The following KIF14 variants were observed in gnomAD, a reference collection of about 807,000 sequenced individuals.
KIF14 encodes the protein kinesin family member 14, also known as kinesin-like protein KIF14.
KIF14 carries 98 observed loss-of-function variants against 176.2 expected under a neutral mutation model. The observed-to-expected ratio is 0.56, with a 90% CI of 0.47 to 0.66. The LOEUF (loss-of-function observed/expected upper bound fraction) is 0.66. Among genes scored for constraint, KIF14 ranks in the 30% least tolerant of loss-of-function variants. KIF14 has a pLI of 0.00. For missense variants in KIF14, 1,751 were observed against 1,920.4 expected (o/e 0.91, Z 1.65); for synonymous variants, 566 against 632.2 (o/e 0.90, Z 1.57).
chr1:200,586,805 ATATATAT>A (rs1558068158), intron 18 of KIF14, among the ~76,000 whole-genome samples: 1 of 148,210 alleles, frequency 6.7e-6, no homozygotes, highest in African/African-American at 2.5e-5. Context: ...ATATATATAT[ATATATAT>A]ATATACACCA....
At position 200,580,276 on chromosome 1, in the gene KIF14, G is replaced by C. The variant is rs199603598; in HGVS notation, c.3443C>G (p.Ala1148Gly). 1 of 1,455,846 alleles carries C rather than the reference G, an allele frequency of 6.9e-7. No individual in the cohort carries two copies. The highest frequency in any genetic ancestry group is 1.6e-5 in the South Asian group (1 of 63,810). 90.2% of individuals were successfully genotyped at this position (1,455,846 alleles called of 1,614,324 possible). A position where few individuals can be genotyped will look rare whatever the true frequency, so the allele number is the denominator to read the frequency against. Residue 1148 changes from alanine to glycine, a missense_variant, in exon 21 of 30, where the codon GCA (alanine) becomes GGA (glycine). Coordinates refer to ENST00000367350, the MANE Select transcript of KIF14 (RefSeq NM_014875.3). ...WSLEKFESKL[A>G]AMKELYESNG... ...AACCTCATAAAGTTCTTTCATTGCTGCAAGTTTAGATTCAAACTTTTCCAG... is the reference window on the plus strand; with the variant it reads ...AACCTCATAAAGTTCTTTCATTGCTCCAAGTTTAGATTCAAACTTTTCCAG...
chr1:200,618,895 TAG>T (rs1199915843), intron 1 of KIF14, 57 bp from the exon 2 acceptor site: 3 of 569,964 alleles, frequency 5.3e-6, no homozygotes, highest in African/African-American at 3.7e-5. Flanking sequence ...TTTAAAAATA[TAG>T]AGAGAACATC....
chr1:200,565,038 C>A (rs1657367342), intron 25 of KIF14, 31 bp downstream of exon 25: 3 of 1,512,488 alleles, frequency 2.0e-6, no homozygotes, highest in Non-Finnish European at 2.7e-6. Context: ...TTAAATGAAT[C>A]CTTCAAATGA....
intron 1 of KIF14, among the ~76,000 whole-genome samples, chr1:200,620,038 T>C (rs1355004918): frequency 2.6e-5 from 4 of 152,218 alleles, no homozygotes; most frequent in Non-Finnish European, 4.4e-5. Context: ...CAAAGATTAT[T>C]GCTAGCGAGG....
intron 27 of KIF14, 71 bp from the exon 28 acceptor site, chr1:200,555,525 G>T: frequency 1.2e-6 from 1 of 845,846 alleles, no homozygotes; most frequent in Non-Finnish European, 1.7e-6. Flanking sequence ...AATTGCATGG[G>T]ACCAGACTTT....
At position 200,612,883 on chromosome 1, in the gene KIF14, T is replaced by C. The variant is rs1039244633; in HGVS notation, c.1455+1435A>G. Among the ~76,000 whole-genome samples the C allele has an allele frequency of 9.6e-5, 3 of 31,232 alleles. No homozygotes were observed. The Admixed American group carries it at 1.1e-3, about 11-fold the overall frequency. 20.5% of individuals were successfully genotyped at this position (31,232 alleles called of 152,430 possible). ...TGCAGGCCTTTCTAGTTTATTCTCT[T>C]TTTTTTTTTTTTTTTTTTTTTTGAG... On this transcript the variant is annotated intron_variant, in intron 4 of 29. Coordinates refer to ENST00000367350, the MANE Select transcript of KIF14 (RefSeq NM_014875.3).
chr1:200,608,611 C>A (rs373116003), intron 5 of KIF14, among the ~76,000 whole-genome samples: 3 of 152,118 alleles, frequency 2.0e-5, no homozygotes, highest in Non-Finnish European at 4.4e-5. Flanking sequence ...AGTCTGCCCC[C>A]CTCAGCCTCC....
intron 26 of KIF14, among the ~76,000 whole-genome samples, chr1:200,559,937 T>C (rs1370289658): frequency 6.6e-6 from 1 of 152,098 alleles, no homozygotes; most frequent in Non-Finnish European, 1.5e-5. Flanking sequence ...ATATCTTTAG[T>C]AGAGACGGGG....
chr1:200,560,711 T>G lies in KIF14; in HGVS notation c.4230+11A>C, dbSNP rs369729175. 6.2e-7 allele frequency: 1 copy of G among 1,613,992 alleles called. No individual in the cohort carries two copies. Among genetic ancestry groups the G allele is most frequent in the Non-Finnish European group, 8.5e-7 (1 of 1,179,938 alleles). Reference sequence around the variant, plus strand: ...AGATGAAGTCTGTCTGAACTAACATTGCTAAATTACCTGGACACTGGCAGC... The same window carrying G: ...AGATGAAGTCTGTCTGAACTAACATGGCTAAATTACCTGGACACTGGCAGC... On this transcript the variant is annotated intron_variant, in intron 26 of 29. Coordinates refer to ENST00000367350, the MANE Select transcript of KIF14 (RefSeq NM_014875.3).
chr1:200,554,928 T>TTC (rs1280458142), intron 28 of KIF14, among the ~76,000 whole-genome samples: 2 of 152,140 alleles, frequency 1.3e-5, no homozygotes, highest in Non-Finnish European at 2.9e-5. Flanking sequence ...TTTATAATAG[T>TTC]TCTCATTTAT....
chr1:200,603,155 A>C, intron 10 of KIF14, 71 bp downstream of exon 10: 1 of 849,756 alleles, frequency 1.2e-6, no homozygotes, highest in Non-Finnish European at 1.8e-6. Flanking sequence ...TAATGAAGTC[A>C]GTCTATCATT....
In KIF14 at chr1:200,608,854, A is replaced by G; in HGVS notation, c.1530T>C (p.Asp510=). 1 of 1,606,622 alleles carries G rather than the reference A, an allele frequency of 6.2e-7. No individual in the cohort carries two copies. Among genetic ancestry groups the G allele is most frequent in the Non-Finnish European group, 8.5e-7 (1 of 1,173,846 alleles). The part of the protein sequence containing the change: ...EKIHDLLVCK[D]ENGQRKQPLR... ...CTGGTTGCTTTCTCTGCCCATTTTC[A>G]TCTTTACAAACCAGAAGGTCGTGAA... Residue 510 remains aspartate (D), a synonymous_variant, in exon 5 of 30, where the codon GAT becomes GAC. Transcript: ENST00000367350.
intron 11 of KIF14, 150 bp downstream of exon 11, chr1:200,601,746 C>T: frequency 5.3e-6 from 3 of 566,128 alleles, no homozygotes; most frequent in South Asian, 2.6e-5. Flanking sequence ...ACCTATCATC[C>T]TCCATCACTA....
chr1:200,560,943 G>A (rs1657108218), intron 25 of KIF14, 63 bp from the exon 26 acceptor site: 1 of 1,490,792 alleles, frequency 6.7e-7, no homozygotes, highest in South Asian at 1.1e-5. Context: ...GTAAAGAAAA[G>A]ATAAGGGCCG....
intron 5 of KIF14, 113 bp from the exon 6 acceptor site, chr1:200,606,911 A>G (rs1659910788): frequency 1.1e-6 from 1 of 893,430 alleles, no homozygotes; most frequent in Non-Finnish European, 1.8e-6. Context: ...TCTTTATTTT[A>G]TCCAGGAAAA....
In KIF14 at chr1:200,560,759, A is replaced by G; in HGVS notation, c.4193T>C (p.Phe1398Ser). 1 of 1,614,216 alleles carries G rather than the reference A, an allele frequency of 6.2e-7. No individual in the cohort carries two copies. The highest frequency in any genetic ancestry group is 8.5e-7 in the Non-Finnish European group (1 of 1,180,044). Reference protein sequence around the residue: ...LAVLKGSKLHFLENGNNKAAS... With the variant: ...LAVLKGSKLHSLENGNNKAAS... The stretch of plus-strand genomic sequence containing the variant: ...AGCTTTATTGTTACCGTTTTCTAGA[A>G]AATGTAGCTTGCTCCCTTTCAGAAC... Residue 1398 changes from phenylalanine (F) to serine (S), a missense_variant, in exon 26 of 30, where the codon TTT (phenylalanine) becomes TCT (serine). Transcript: ENST00000367350.
chr1:200,603,250 G>C lies in KIF14; in HGVS notation c.1955C>G (p.Pro652Arg), dbSNP rs774812639. The change falls in exon 10 of 30, where the codon CCT becomes CGT. Residue 652 changes from proline to arginine, a missense_variant. By Grantham distance (103) the Pro-to-Arg change is moderately radical. Transcript: ENST00000367350. ...CCATGTAAGAACAGATTCACGATAA[G>C]GAATAAAAACACTCCTTTGGTTTGC... ...EQANQRSVFI[P>R]YRESVLTWLL... The C allele has an allele frequency of 6.2e-7, 1 of 1,602,186 alleles. No homozygotes were observed. Among genetic ancestry groups the C allele is most frequent in the Admixed American group, 1.7e-5 (1 of 59,854 alleles).
Position 200,618,369 on chromosome 1 carries a change from G to A in KIF14, c.355C>T (p.Leu119Phe). Residue 119 changes from leucine (L) to phenylalanine (F), a missense_variant, in exon 2 of 30, where the codon CTT (leucine) becomes TTT (phenylalanine). Transcript: ENST00000367350. ...GTTTTAGCACGACGTTGTAATGTAA[G>A]ACGTGTTTCTGCTGTTTTTTCAGTT... is the stretch of plus-strand genomic sequence containing the variant. ...DTTEKTAETRLTLQRRAKTDS... is the reference protein window; with the variant it reads ...DTTEKTAETRFTLQRRAKTDS... 1 of 1,614,104 alleles carries A rather than the reference G, an allele frequency of 6.2e-7. No homozygotes were observed. Among genetic ancestry groups the A allele is most frequent in the Non-Finnish European group, 8.5e-7 (1 of 1,180,018 alleles).
Position 200,565,654 on chromosome 1 carries a change from G to C in KIF14, c.3677C>G (p.Ser1226Ter). The C allele has an allele frequency of 6.3e-7, 1 of 1,592,282 alleles. No homozygotes were observed. The highest frequency in any genetic ancestry group is 8.5e-7 in the Non-Finnish European group (1 of 1,174,160). Residue 1226 changes from serine (S) to a stop codon, truncating the protein, a stop_gained, in exon 24 of 30, where the codon TCA (serine) becomes TGA (stop). Transcript: ENST00000367350. LOFTEE classifies it high-confidence loss of function. Reference sequence around the variant, plus strand: ...TGCTGAATTTGAGTAAATAGTGCTTGATTTGTCCATTAAACCTACATCAAC... The same window carrying C: ...TGCTGAATTTGAGTAAATAGTGCTTCATTTGTCCATTAAACCTACATCAAC... ...SSHSSGLMDK[S>*]STIYSNSAES...
Sources: gnomAD v4.1 joint callset for allele counts (sites outside exome capture counted in the v4.1 genomes callset) on GRCh38, gnomAD v4.1.1 for gene constraint, MANE v1.5 for transcripts, NCBI Gene and HGNC (gene_info 2026-07-23, HGNC 2026-07-21) for gene names.